The following VPS13B variants were observed in gnomAD, a reference collection of about 807,000 sequenced individuals.
VPS13B encodes intermembrane lipid transfer protein VPS13B.
A neutral mutation model predicts 426.4 loss-of-function variants in VPS13B; 285 were observed. That is an observed-to-expected ratio of 0.67 (90% CI 0.61 to 0.74). The LOEUF is 0.74. VPS13B is among the 30% of genes least tolerant of loss of function. The pLI is 0.00. For missense variants in VPS13B, 4,537 were observed against 4,782.6 expected (o/e 0.95, Z 1.51); for synonymous variants, 1,676 against 1,676.4 (o/e 1.00, Z 0.01).
At chr8:99,629,150 T>C (rs1828734917) in intron 33 of VPS13B, among the ~76,000 whole-genome samples, 1 of 152,196 alleles carries the variant, frequency 6.6e-6, no homozygotes, top group African/African-American at 2.4e-5. Context: ...GAAACTTCTT[T>C]AGTAGAGTTG....
chr8:99,168,675 T>C (rs932891758), intron 15 of VPS13B, among the ~76,000 whole-genome samples: 1 of 152,008 alleles, frequency 6.6e-6, no homozygotes, highest in Non-Finnish European at 1.5e-5. Context: ...AAAGAATGAA[T>C]GTGAAATATC....
intron 17 of VPS13B, among the ~76,000 whole-genome samples, chr8:99,246,530 A>G (rs1817226260): frequency 6.6e-6 from 1 of 152,222 alleles, no homozygotes; most frequent in Non-Finnish European, 1.5e-5. Context: ...AAAGCCTAAA[A>G]TATTTATTAT....
chr8:99,647,518 G>A (rs947287053), intron 34 of VPS13B, among the ~76,000 whole-genome samples: 1 of 150,548 alleles, frequency 6.6e-6, no homozygotes, highest in Admixed American at 6.7e-5. Context: ...GGCAGAGGTT[G>A]CAGTGAGCCG....
chr8:99,167,878 A>T (rs1426213449), intron 15 of VPS13B, among the ~76,000 whole-genome samples: 1 of 152,098 alleles, frequency 6.6e-6, no homozygotes, highest in Non-Finnish European at 1.5e-5. Flanking sequence ...ATTAGTTTGC[A>T]ACATTTACCA....
At position 99,876,539 on chromosome 8, in the gene VPS13B, G is replaced by T. The variant is rs1817709971; in HGVS notation, c.*873G>T. 6.6e-6 allele frequency: 1 copy of T among 152,158 alleles called. No individual in the cohort carries two copies. The highest frequency in any genetic ancestry group is 1.5e-5 in the Non-Finnish European group (1 of 68,046). 9.4% of individuals were successfully genotyped at this position (152,158 alleles called of 1,614,324 possible). The stretch of plus-strand genomic sequence containing the variant: ...AAACATACATAGTGGGAACTCCCTG[G>T]TATGCCATAGAGCACACAAGAACCC... On this transcript the variant is annotated 3_prime_UTR_variant, in exon 62 of 62. Transcript: ENST00000357162.
chr8:99,381,668 T>A (rs566645331), intron 19 of VPS13B, among the ~76,000 whole-genome samples: 2 of 152,116 alleles, frequency 1.3e-5, no homozygotes, highest in African/African-American at 4.8e-5. Flanking sequence ...GATGTTGAGT[T>A]TTTTTTCATA....
intron 43 of VPS13B, chr8:99,796,944 C>T (rs1426089732): frequency 1.3e-5 from 2 of 152,212 alleles, no homozygotes; most frequent in South Asian, 2.1e-4. Flanking sequence ...ACTTCCGCTA[C>T]ATTCTGTTGC....
At chr8:99,063,285 T>C (rs905835119) in intron 3 of VPS13B, among the ~76,000 whole-genome samples, 2 of 152,132 alleles carry the variant, frequency 1.3e-5, no homozygotes, top group African/African-American at 4.8e-5. Context: ...ACCCGGGAAG[T>C]GCAAGGGGTC....
chr8:99,230,560 C>T (rs1478116950), intron 17 of VPS13B, among the ~76,000 whole-genome samples: 1 of 152,166 alleles, frequency 6.6e-6, no homozygotes, highest in Non-Finnish European at 1.5e-5. Flanking sequence ...TGAGAAATGT[C>T]TTCTCAGTAC....
At chr8:99,051,921 A>G (rs2132266967) in intron 3 of VPS13B, among the ~76,000 whole-genome samples, 1 of 152,314 alleles carries the variant, frequency 6.6e-6, no homozygotes, top group East Asian at 1.9e-4. Context: ...CAGCTTAAGG[A>G]GATTTTGGGA....
intron 19 of VPS13B, among the ~76,000 whole-genome samples, chr8:99,328,969 C>T (rs1374941694): frequency 6.6e-6 from 1 of 152,094 alleles, no homozygotes; most frequent in Admixed American, 6.6e-5. Flanking sequence ...CTCTCCTCCC[C>T]CTAGTTATTA....
intron 33 of VPS13B, among the ~76,000 whole-genome samples, chr8:99,637,374 C>A (rs966898855): frequency 1.3e-5 from 2 of 151,978 alleles, no homozygotes; most frequent in Non-Finnish European, 2.9e-5. Flanking sequence ...TGGAGGAAAT[C>A]CTGGCTTTTA....
chr8:99,142,693 T>A (rs1810498090), intron 12 of VPS13B, among the ~76,000 whole-genome samples: 2 of 152,194 alleles, frequency 1.3e-5, no homozygotes, highest in African/African-American at 4.8e-5. Flanking sequence ...TATAAGCCAA[T>A]TAGGTTTTGC....
chr8:99,832,838 T>C (rs1815156928), intron 52 of VPS13B, among the ~76,000 whole-genome samples, 186 bp downstream of exon 52: 1 of 152,148 alleles, frequency 6.6e-6, no homozygotes. Flanking sequence ...TGTCCCAGCA[T>C]ACTACTTAAG....
chr8:99,423,903 G>A (rs572530922), intron 21 of VPS13B, among the ~76,000 whole-genome samples: 1 of 152,146 alleles, frequency 6.6e-6, no homozygotes, highest in African/African-American at 2.4e-5. Context: ...GGGGTGGAGA[G>A]TTCCTTAGAT....
At position 99,013,879 on chromosome 8, in the gene VPS13B, T is replaced by C; in HGVS notation, c.91T>C (p.Trp31Arg). The C allele has an allele frequency of 6.2e-7, 1 of 1,614,144 alleles. No individual in the cohort carries two copies. Among genetic ancestry groups the C allele is most frequent in the East Asian group, 2.2e-5 (1 of 44,876 alleles). The change falls in exon 2 of 62, where the codon TGG becomes CGG. Residue 31 changes from tryptophan to arginine, a missense_variant. Around this residue, in one of 2 missense-constraint regions of VPS13B, gnomAD observed 226 missense variants for 308.3 expected, o/e 0.73. Coordinates refer to ENST00000357162, the MANE Select transcript of VPS13B (RefSeq NM_152564.5). The stretch of plus-strand genomic sequence containing the variant: ...GCCGTCGGATCTACAGCTTTCACTA[T>C]GGGGTGGAGACGTGGTACTCAGCAA... ...LKPSDLQLSLWGGDVVLSKLE... is the reference protein window; with the variant it reads ...LKPSDLQLSLRGGDVVLSKLE...
Position 99,086,648 on chromosome 8 carries a change from T to C in VPS13B, c.292-9664T>C, listed in dbSNP as rs535497131. Among the ~76,000 whole-genome samples, 44 of 151,956 alleles carry C rather than the reference T, an allele frequency of 2.9e-4. No homozygotes were observed. In the South Asian group the frequency reaches 8.5e-3, roughly 29 times the overall value. ...ACAGATGGGGTTTTGGTGTGGATGT[T>C]CTTTCTGTTTGTTAGTTTTCCTTCT... On this transcript the variant is annotated intron_variant, in intron 3 of 61. Transcript: ENST00000357162.
At chr8:99,478,829 T>C (rs1487919720) in intron 24 of VPS13B, among the ~76,000 whole-genome samples, 1 of 132,394 alleles carries the variant, frequency 7.6e-6, no homozygotes, top group Non-Finnish European at 1.6e-5. Flanking sequence ...GTTGTTTTTG[T>C]GTAAAAAAAA....
chr8:99,393,421 A>C (rs1814554025), intron 21 of VPS13B, among the ~76,000 whole-genome samples: 1 of 152,114 alleles, frequency 6.6e-6, no homozygotes, highest in South Asian at 2.1e-4. Context: ...TTACTTTATA[A>C]AATATGAAAA....
Sources: allele counts gnomAD v4.1 joint callset (sites outside exome capture counted in the v4.1 genomes callset), GRCh38; gene constraint gnomAD v4.1.1; regional missense constraint gnomAD v4.1.1; transcripts MANE v1.5; gene names NCBI Gene and HGNC (gene_info 2026-07-23, HGNC 2026-07-21).